LRP1B: variants seen among roughly 807,000 people sequenced by gnomAD.
The protein encoded by LRP1B is LDL receptor related protein 1B.
LRP1B carries 217 observed loss-of-function variants against 556.6 expected under a neutral mutation model. The observed-to-expected ratio is 0.39, with a 90% CI of 0.35 to 0.44. LRP1B has a LOEUF of 0.44. LRP1B is among the 20% of genes least tolerant of loss of function. The pLI is 1.00. For synonymous variants in LRP1B, 2,047 were observed against 1,865.8 expected (o/e 1.10, Z -2.50); for missense variants, 5,053 against 5,620.8 (o/e 0.90, Z 3.23).
At chr2:141,622,114 C>G (rs1351518835) in intron 2 of LRP1B, among the ~76,000 whole-genome samples, 1 of 152,126 alleles carries the variant, frequency 6.6e-6, no homozygotes, top group African/African-American at 2.4e-5. Flanking sequence ...AGGTCTTGAA[C>G]TCCCGACCGC....
Position 141,088,653 on chromosome 2 carries a change from T to C in LRP1B, c.1014-26380A>G, listed in dbSNP as rs147722328. ...TGCCTTTGTCAGTTGGCAACATTTA[T>C]TGAGTGCCTACTCTGTGGAAAACAC... On this transcript the variant is annotated intron_variant, in intron 7 of 90. Coordinates refer to ENST00000389484, the MANE Select transcript of LRP1B (RefSeq NM_018557.3). 1.1e-3 allele frequency among the ~76,000 whole-genome samples: 164 copies of C among 152,292 alleles called. 1 individual carries two copies. The highest frequency in any genetic ancestry group is 2.9e-3 in the African/African-American group (122 of 41,562).
intron 1 of LRP1B, among the ~76,000 whole-genome samples, chr2:141,953,189 A>G (rs1187002723): frequency 2.6e-5 from 4 of 152,064 alleles, no homozygotes; most frequent in Admixed American, 6.6e-5. Flanking sequence ...CTTGAATGAG[A>G]GTCAGATTTT....
chr2:141,870,058 C>T (rs1190314755), intron 1 of LRP1B, among the ~76,000 whole-genome samples: 1 of 151,964 alleles, frequency 6.6e-6, no homozygotes, highest in Non-Finnish European at 1.5e-5. Context: ...ATATACTAGT[C>T]ATTCCATAAC....
intron 63 of LRP1B, among the ~76,000 whole-genome samples, chr2:140,448,458 C>A (rs1390551970): frequency 6.6e-6 from 1 of 152,042 alleles, no homozygotes; most frequent in Non-Finnish European, 1.5e-5. Context: ...TTAGTGACAG[C>A]ATGGATGAAC....
intron 1 of LRP1B, among the ~76,000 whole-genome samples, chr2:142,051,945 A>C (rs1704478057): frequency 6.6e-6 from 1 of 152,180 alleles, no homozygotes; most frequent in Middle Eastern, 3.2e-3. Context: ...TGTTCTTTAC[A>C]TTCTTGCATT....
At chr2:142,043,507 A>C (rs1704134393) in intron 1 of LRP1B, among the ~76,000 whole-genome samples, 2 of 151,656 alleles carry the variant, frequency 1.3e-5, no homozygotes, top group African/African-American at 4.8e-5. Flanking sequence ...TTAGAAGAGA[A>C]AAAAATAGTG....
At chr2:141,905,243 G>A (rs923496665) in intron 1 of LRP1B, among the ~76,000 whole-genome samples, 21 of 151,822 alleles carry the variant, frequency 1.4e-4, no homozygotes, top group Admixed American at 4.6e-4. Flanking sequence ...AAAGGGCAGG[G>A]CTGGCTCCAA....
chr2:141,151,398 A>T (rs1701920561), intron 7 of LRP1B, among the ~76,000 whole-genome samples: 1 of 152,188 alleles, frequency 6.6e-6, no homozygotes, highest in South Asian at 2.1e-4. Flanking sequence ...GGACTTCCTA[A>T]TGAACATAGG....
At chr2:140,899,995 A>T (rs1028324178) in intron 23 of LRP1B, among the ~76,000 whole-genome samples, 1 of 152,220 alleles carries the variant, frequency 6.6e-6, no homozygotes, top group African/African-American at 2.4e-5. Context: ...AAAACAAAAA[A>T]CTATGATCAA....
At position 141,019,970 on chromosome 2, in the gene LRP1B, T is replaced by G. The variant is rs1272562034; in HGVS notation, c.1922A>C (p.Glu641Ala). Reference sequence around the variant, plus strand: ...TCCTCTGGGATGAGACATTTCACCCTCTAAAAGAGTCTTCCGACTCTGAGA... The same window carrying G: ...TCCTCTGGGATGAGACATTTCACCCGCTAAAAGAGTCTTCCGACTCTGAGA... ...KASQSRKTLL[E>A]GEMSHPRGIV... is the part of the protein sequence containing the mutation. The change falls in exon 12 of 91, where the codon GAG (glutamate) becomes GCG (alanine). Residue 641 changes from glutamate (E) to alanine (A), a missense_variant. Glu to Ala is a moderately radical substitution (Grantham distance 107). This residue lies in a region of LRP1B where 3,619 missense variants were observed against 3,931.9 expected (regional missense o/e 0.92). Transcript: ENST00000389484. 4 of 1,611,730 alleles carry G rather than the reference T, an allele frequency of 2.5e-6. No individual in the cohort carries two copies. In the East Asian group the frequency reaches 9.0e-5, roughly 36 times the overall value.
At chr2:142,072,114 A>T (rs1705339098) in intron 1 of LRP1B, among the ~76,000 whole-genome samples, 1 of 151,956 alleles carries the variant, frequency 6.6e-6, no homozygotes, top group Non-Finnish European at 1.5e-5. Flanking sequence ...GTAACTGCAC[A>T]GATCAGCACT....
chr2:141,528,929 A>C (rs187124860), intron 2 of LRP1B, among the ~76,000 whole-genome samples: 1 of 152,328 alleles, frequency 6.6e-6, no homozygotes. Flanking sequence ...TTCTAACTGC[A>C]TTTTGTTTTT....
intron 74 of LRP1B, among the ~76,000 whole-genome samples, chr2:140,357,598 AT>A (rs570864873): frequency 1.2e-4 from 18 of 151,582 alleles, no homozygotes; most frequent in African/African-American, 3.9e-4. Context: ...AATGGATTAA[AT>A]TTTTTTTAAC....
chr2:140,549,793 G>A (rs910424511), intron 43 of LRP1B, among the ~76,000 whole-genome samples: 5 of 151,832 alleles, frequency 3.3e-5, no homozygotes, highest in South Asian at 2.1e-4. Flanking sequence ...AGATGGTGGC[G>A]GCCTTGCATT....
chr2:140,337,000 G>T (rs1681136425), intron 77 of LRP1B, among the ~76,000 whole-genome samples: 1 of 151,828 alleles, frequency 6.6e-6, no homozygotes. Flanking sequence ...AGAAGCAGTG[G>T]AAATATGAGT....
chr2:141,856,085 T>C (rs1479561459), intron 1 of LRP1B, among the ~76,000 whole-genome samples: 1 of 152,198 alleles, frequency 6.6e-6, no homozygotes, highest in Admixed American at 6.5e-5. Context: ...TTATACTATG[T>C]AGAGGCAAAT....
At chr2:140,678,519 T>A (rs1685749490) in intron 41 of LRP1B, among the ~76,000 whole-genome samples, 1 of 152,198 alleles carries the variant, frequency 6.6e-6, no homozygotes, top group Admixed American at 6.5e-5. Flanking sequence ...AGGCATTTTT[T>A]CCCCTTTAAG....
chr2:140,454,867 G>A lies in LRP1B; in HGVS notation c.9963+1588C>T, dbSNP rs16843973. 5.2e-3 allele frequency among the ~76,000 whole-genome samples: 757 copies of A among 146,414 alleles called. 8 individuals are homozygous for A. The highest frequency in any genetic ancestry group is 0.016 in the African/African-American group (651 of 40,794). ...GATGTTCATCTGTGCTTCAAAGAAT[G>A]CTGTGATTTTGTTCTATTTTTAGTT... is the stretch of plus-strand genomic sequence containing the variant. On this transcript the variant is annotated intron_variant, in intron 62 of 90. Coordinates refer to ENST00000389484, the MANE Select transcript of LRP1B (RefSeq NM_018557.3).
chr2:140,274,742 T>G, intron 84 of LRP1B, 144 bp from the exon 85 acceptor site: 2 of 636,628 alleles, frequency 3.1e-6, no homozygotes, highest in Non-Finnish European at 5.3e-6. Flanking sequence ...ACACATGAAG[T>G]AGAATTCTTT....
Sources: gnomAD v4.1 joint callset for allele counts (sites outside exome capture counted in the v4.1 genomes callset) on GRCh38, gnomAD v4.1.1 for gene constraint, gnomAD v4.1.1 regional missense constraint, MANE v1.5 for transcripts, NCBI Gene and HGNC (gene_info 2026-07-23, HGNC 2026-07-21) for gene names.